Variants in MX1 observed in about 807,000 individuals in gnomAD.
The protein encoded by MX1 is interferon-induced GTP-binding protein Mx1.
A neutral mutation model predicts 66.4 loss-of-function variants in MX1; 66 were observed. The ratio of observed to expected loss-of-function variants is 0.99; its 90% confidence interval spans 0.82 to 1.22. The LOEUF is 1.22. Among genes scored for constraint, MX1 ranks in the 50% most tolerant of loss-of-function variants. MX1 has a pLI of 0.00. For synonymous variants in MX1, 311 were observed against 318.1 expected (o/e 0.98, Z 0.24); for missense variants, 787 against 834.3 (o/e 0.94, Z 0.70).
At chr21:41,444,416 T>A (rs772383537) in intron 11 of MX1, among the ~76,000 whole-genome samples, 1 of 138,366 alleles carries the variant, frequency 7.2e-6, no homozygotes, top group Admixed American at 7.9e-5. Context: ...AACCTCTGCC[T>A]CCTGGGTTCA....
At chr21:41,442,910 G>C (rs1250490174) in intron 10 of MX1, among the ~76,000 whole-genome samples, 1 of 152,204 alleles carries the variant, frequency 6.6e-6, no homozygotes, top group Non-Finnish European at 1.5e-5. Flanking sequence ...GGAGTAGTCA[G>C]ATTCATAGAG....
At chr21:41,427,077 A>G (rs951224553) in intron 1 of MX1, 129 bp from the exon 2 acceptor site, 1 of 152,294 alleles carries the variant, frequency 6.6e-6, no homozygotes, top group African/African-American at 2.4e-5. Flanking sequence ...GGATGGCCCA[A>G]GTTATTTGGT....
chr21:41,436,622 G>A lies in MX1; in HGVS notation c.299-393G>A, dbSNP rs1437431731. Among the ~76,000 whole-genome samples the A allele has an allele frequency of 2.6e-4, 39 of 152,168 alleles. 1 individual carries two copies. Among genetic ancestry groups the A allele is most frequent in the Non-Finnish European group, 1.5e-5 (1 of 68,034 alleles). Reference sequence around the variant, plus strand: ...TACAGTAGGAGGACTGTTGTAAGGTGGCCTGGTAGCAGCAGGATGCTTTCC... The same window carrying A: ...TACAGTAGGAGGACTGTTGTAAGGTAGCCTGGTAGCAGCAGGATGCTTTCC... On this transcript the variant is annotated intron_variant, in intron 6 of 16. Coordinates refer to ENST00000398598, the MANE Select transcript of MX1 (RefSeq NM_002462.5).
At position 41,439,783 on chromosome 21, in the gene MX1, CTA is replaced by C; in HGVS notation, c.527_528del (p.Leu176HisfsTer17). The C allele has an allele frequency of 6.2e-7, 1 of 1,614,000 alleles. No homozygotes were observed. Among genetic ancestry groups the C allele is most frequent in the South Asian group, 1.1e-5 (1 of 91,076 alleles). On this transcript the variant is annotated frameshift_variant, in exon 8 of 17. Coordinates refer to ENST00000398598, the MANE Select transcript of MX1 (RefSeq NM_002462.5). LOFTEE classifies it high-confidence loss of function. ...ISSRDVPDLT[L>X]IDLPGITRVA... ...CTCCCGAGATGTCCCGGATCTGACT[CTA>C]ATAGACCTTCCTGGCATAACCAGAG... is the stretch of plus-strand genomic sequence containing the variant.
chr21:41,437,257 C>T, intron 7 of MX1, 105 bp downstream of exon 7: 3 of 1,307,032 alleles, frequency 2.3e-6, no homozygotes, highest in Admixed American at 2.1e-5. Flanking sequence ...TGTCAGGACA[C>T]CTTTCTCCTG....
At position 41,435,986 on chromosome 21, in the gene MX1, C is replaced by T. The variant is rs757962594; in HGVS notation, c.255C>T (p.Ser85=). 138 of 1,614,112 alleles carry T rather than the reference C, an allele frequency of 8.5e-5. No homozygotes were observed. The highest frequency in any genetic ancestry group is 1.1e-4 in the Non-Finnish European group (124 of 1,180,042). The change falls in exon 6 of 17, where the codon TCC becomes TCT. Residue 85 remains serine, a synonymous_variant. Coordinates refer to ENST00000398598, the MANE Select transcript of MX1 (RefSeq NM_002462.5). ...VIGDQSSGKS[S]VLEALSGVAL... is the part of the protein sequence containing the mutation. ...GGGACCAGAGCTCGGGCAAGAGCTC[C>T]GTGTTGGAGGCACTGTCAGGAGTTG...
At chr21:41,439,664 T>C in intron 7 of MX1, 30 bp from the exon 8 acceptor site, 1 of 1,609,020 alleles carries the variant, frequency 6.2e-7, no homozygotes, top group Non-Finnish European at 8.5e-7. Context: ...AAGCTCTGTT[T>C]GGGTTTGATT....
chr21:41,444,109 A>G (rs2090594158), intron 11 of MX1, among the ~76,000 whole-genome samples: 2 of 152,082 alleles, frequency 1.3e-5, no homozygotes, highest in African/African-American at 4.8e-5. Flanking sequence ...GACTATATCT[A>G]CTGGGCCAAA....
Position 41,452,840 on chromosome 21 carries a change from A to T in MX1, c.1729A>T (p.Ile577Phe). The T allele has an allele frequency of 1.2e-6, 2 of 1,614,122 alleles. No individual in the cohort carries two copies. The highest frequency in any genetic ancestry group is 1.7e-6 in the Non-Finnish European group (2 of 1,180,020). The stretch of plus-strand genomic sequence containing the variant: ...GGCAACAGACTCTTCCATGGAGGAG[A>T]TCTTTCAGCACCTGATGGCCTATCA... ...SSATDSSMEE[I>F]FQHLMAYHQE... is the part of the protein sequence containing the mutation. Residue 577 changes from isoleucine to phenylalanine, a missense_variant, in exon 16 of 17, where the codon ATC (isoleucine) becomes TTC (phenylalanine). Coordinates refer to ENST00000398598, the MANE Select transcript of MX1 (RefSeq NM_002462.5).
chr21:41,456,769 G>T (rs1041672501), intron 16 of MX1, among the ~76,000 whole-genome samples: 6 of 150,696 alleles, frequency 4.0e-5, no homozygotes, highest in East Asian at 1.9e-4. Flanking sequence ...TGTTTGTTTG[G>T]TTTTTTTTTG....
intron 3 of MX1, chr21:41,428,407 G>T (rs1331041985): frequency 6.6e-6 from 1 of 152,286 alleles, no homozygotes; most frequent in Admixed American, 6.5e-5. Context: ...ACCCACAGTG[G>T]AGGCTCTGGA....
chr21:41,434,515 C>T lies in MX1; in HGVS notation c.106-1322C>T, dbSNP rs138618105. ...TTTTCTATTTGTCCCGTCTGTTCTT[C>T]GTTCCCCCTTTCGTCTTTTTCTGCC... On this transcript the variant is annotated intron_variant, in intron 5 of 16. Coordinates refer to ENST00000398598, the MANE Select transcript of MX1 (RefSeq NM_002462.5). Among the ~76,000 whole-genome samples, 946 of 152,262 alleles carry T rather than the reference C, an allele frequency of 6.2e-3. 13 individuals are homozygous for T. The highest frequency in any genetic ancestry group is 0.021 in the African/African-American group (886 of 41,540).
chr21:41,439,667 G>T (rs1027713216), intron 7 of MX1, 27 bp from the exon 8 acceptor site: 1 of 1,610,040 alleles, frequency 6.2e-7, no homozygotes, highest in Non-Finnish European at 8.5e-7. Flanking sequence ...CTCTGTTTGG[G>T]TTTGATTTTC....
At chr21:41,453,567 G>GA (rs1200352059) in intron 16 of MX1, among the ~76,000 whole-genome samples, 2 of 152,160 alleles carry the variant, frequency 1.3e-5, no homozygotes, top group African/African-American at 4.8e-5. Flanking sequence ...ATTGCTAATG[G>GA]AAAAACCAAA....
intron 14 of MX1, among the ~76,000 whole-genome samples, chr21:41,450,482 A>C (rs1341942954): frequency 2.6e-5 from 4 of 152,192 alleles, no homozygotes; most frequent in Non-Finnish European, 5.9e-5. Context: ...GTGTATTTCC[A>C]GTAAAATTGA....
chr21:41,445,500 C>T lies in MX1; in HGVS notation c.1061C>T (p.Thr354Ile), dbSNP rs138397100. 3.7e-6 allele frequency: 6 copies of T among 1,613,988 alleles called. No individual in the cohort carries two copies. The African/African-American group carries it at 8.0e-5, about 22-fold the overall frequency. Residue 354 changes from threonine (T) to isoleucine (I), a missense_variant, in exon 12 of 17, where the codon ACA becomes ATA. Coordinates refer to ENST00000398598, the MANE Select transcript of MX1 (RefSeq NM_002462.5). Reference sequence around the variant, plus strand: ...ATCAAGGAGACTCACCAGAGAATAACAGAGGAGCTACAAAAGTATGGTGTC... The same window carrying T: ...ATCAAGGAGACTCACCAGAGAATAATAGAGGAGCTACAAAAGTATGGTGTC... ...NQIKETHQRITEELQKYGVDI... is the reference protein window; with the variant it reads ...NQIKETHQRIIEELQKYGVDI...
chr21:41,453,644 G>A (rs2090889341), intron 16 of MX1, among the ~76,000 whole-genome samples: 1 of 152,250 alleles, frequency 6.6e-6, no homozygotes, highest in African/African-American at 2.4e-5. Context: ...TCTGGGAACA[G>A]TCTCAGGAGG....
At chr21:41,454,908 CTTTTTTT>C (rs36105889) in intron 16 of MX1, among the ~76,000 whole-genome samples, 1 of 141,398 alleles carries the variant, frequency 7.1e-6, no homozygotes, top group Non-Finnish European at 1.5e-5. Context: ...TTCTGCCTTT[CTTTTTTT>C]TTTTTTTTTG....
rs1300075195 is a variant in MX1, at chr21:41,449,949, G to A, written c.1432+654G>A. Among the ~76,000 whole-genome samples, 5 of 152,108 alleles carry A rather than the reference G, an allele frequency of 3.3e-5. No homozygotes were observed. In the South Asian group the frequency reaches 6.2e-4, roughly 19 times the overall value. On this transcript the variant is annotated intron_variant, in intron 14 of 16. Coordinates refer to ENST00000398598, the MANE Select transcript of MX1 (RefSeq NM_002462.5). ...CCAAGGCTTGGTCTTTCTAGTGCCC[G>A]GCCCCAATCCTGAAGCTATGTAGGG...
Sources: gnomAD v4.1 joint callset for allele counts (sites outside exome capture counted in the v4.1 genomes callset) on GRCh38, gnomAD v4.1.1 for gene constraint, MANE v1.5 for transcripts, NCBI Gene and HGNC (gene_info 2026-07-23, HGNC 2026-07-21) for gene names.